The following ABCD3 variants were observed in gnomAD, a reference collection of about 807,000 sequenced individuals.
ABCD3 encodes ATP binding cassette subfamily D member 3, also known as ATP-binding cassette sub-family D member 3.
ABCD3 carries 41 observed loss-of-function variants against 105.5 expected under a neutral mutation model. The observed-to-expected ratio is 0.39, with a 90% CI of 0.30 to 0.50. The LOEUF (loss-of-function observed/expected upper bound fraction) is 0.50. ABCD3 is among the 20% of genes least tolerant of loss of function. ABCD3 has a pLI of 0.84. For synonymous variants in ABCD3, 258 were observed against 269.0 expected (o/e 0.96, Z 0.40); for missense variants, 622 against 806.3 (o/e 0.77, Z 2.77).
chr1:94,448,658 T>C (rs192066594), intron 1 of ABCD3, among the ~76,000 whole-genome samples: 1 of 152,366 alleles, frequency 6.6e-6, no homozygotes, highest in East Asian at 1.9e-4. Context: ...CAGTTATGTT[T>C]TCTTCTGCCT....
chr1:94,506,682 C>T (rs1221983230), intron 21 of ABCD3, 40 bp downstream of exon 21: 4 of 1,419,932 alleles, frequency 2.8e-6, no homozygotes, highest in Non-Finnish European at 4.0e-6. Flanking sequence ...CCATGGCCTC[C>T]TACCTAGTGT....
intron 3 of ABCD3, among the ~76,000 whole-genome samples, chr1:94,465,584 A>G (rs1242341497): frequency 2.0e-5 from 3 of 152,188 alleles, no homozygotes; most frequent in Non-Finnish European, 2.9e-5. Flanking sequence ...TAAACACTAG[A>G]TTAAATTTCA....
chr1:94,498,770 CTCTCTT>C lies in ABCD3; in HGVS notation c.1465-11_1465-6del. 1 of 1,613,728 alleles carries C rather than the reference CTCTCTT, an allele frequency of 6.2e-7. No homozygotes were observed. Among genetic ancestry groups the C allele is most frequent in the Non-Finnish European group, 8.5e-7 (1 of 1,179,784 alleles). ...TTTTACAATTGTTCTTCTCCCTTCTCTCTCTTTAATAGTTATGGCCTCTTTTTGGAG... is the reference window on the plus strand; with the variant it reads ...TTTTACAATTGTTCTTCTCCCTTCTCTAATAGTTATGGCCTCTTTTTGGAG... On this transcript the variant is annotated splice_polypyrimidine_tract_variant and splice_region_variant and intron_variant, in intron 17 of 22. Coordinates refer to ENST00000370214, the MANE Select transcript of ABCD3 (RefSeq NM_002858.4).
chr1:94,474,569 A>T (rs1472055530), intron 5 of ABCD3, among the ~76,000 whole-genome samples: 1 of 152,256 alleles, frequency 6.6e-6, no homozygotes, highest in East Asian at 1.9e-4. Flanking sequence ...TAGACTTTTT[A>T]AAATAAACAA....
intron 3 of ABCD3, among the ~76,000 whole-genome samples, chr1:94,465,685 A>AT (rs1274511383): frequency 6.6e-6 from 1 of 152,252 alleles, no homozygotes; most frequent in Non-Finnish European, 1.5e-5. Flanking sequence ...ATGCAAAATG[A>AT]TATCTGGATT....
intron 1 of ABCD3, among the ~76,000 whole-genome samples, chr1:94,422,196 G>A (rs1489421009): frequency 6.6e-6 from 1 of 152,144 alleles, no homozygotes; most frequent in Non-Finnish European, 1.5e-5. Flanking sequence ...CCCAACCCCC[G>A]GGCTGTGGAC....
rs1648607974 is a variant in ABCD3 at position 94,473,928 on chromosome 1, T to A, written c.405+93T>A. 14 of 948,406 alleles carry A rather than the reference T, an allele frequency of 1.5e-5. No homozygotes were observed. The South Asian group carries it at 1.9e-4, about 13-fold the overall frequency. 58.7% of individuals were successfully genotyped at this position (948,406 alleles called of 1,614,324 possible). A position where few individuals can be genotyped will look rare whatever the true frequency, so the allele number is the denominator to read the frequency against. Reference sequence around the variant, plus strand: ...TTTACTTATTAAATTCTTTAAAGACTTATGATACTAAGTTCCTATTTTCAG... The same window carrying A: ...TTTACTTATTAAATTCTTTAAAGACATATGATACTAAGTTCCTATTTTCAG... On this transcript the variant is annotated intron_variant, in intron 5 of 22. Coordinates refer to ENST00000370214, the MANE Select transcript of ABCD3 (RefSeq NM_002858.4).
the ABCD3 span, among the ~76,000 whole-genome samples, chr1:94,385,238 G>T: frequency 2.6e-5 from 4 of 152,298 alleles, no homozygotes; most frequent in Non-Finnish European, 4.4e-5. Context: ...CATCCCGAGA[G>T]GTGAGTGTTG....
intron 10 of ABCD3, among the ~76,000 whole-genome samples, chr1:94,486,835 G>A (rs1649299441): frequency 6.6e-6 from 1 of 152,178 alleles, no homozygotes; most frequent in African/African-American, 2.4e-5. Context: ...ACATGTTTGA[G>A]AAACCGTTAT....
intron 20 of ABCD3, among the ~76,000 whole-genome samples, chr1:94,505,552 G>GCA (rs1650312653): frequency 6.6e-6 from 1 of 151,912 alleles, no homozygotes; most frequent in Non-Finnish European, 1.5e-5. Flanking sequence ...AAGTATGAGT[G>GCA]AGAGATGCAT....
chr1:94,462,145 T>C (rs1385256203), intron 2 of ABCD3, among the ~76,000 whole-genome samples: 1 of 152,224 alleles, frequency 6.6e-6, no homozygotes, highest in African/African-American at 2.4e-5. Context: ...ATTTGTTTGC[T>C]TTTTCTATAA....
At chr1:94,494,467 A>C (rs1459013335) in intron 16 of ABCD3, among the ~76,000 whole-genome samples, 3 of 152,006 alleles carry the variant, frequency 2.0e-5, no homozygotes, top group Non-Finnish European at 2.9e-5. Flanking sequence ...ATGTCTTTTT[A>C]TTGTTTTTCT....
intron 1 of ABCD3, chr1:94,419,424 TAA>T (rs1219176791): frequency 2.2e-6 from 2 of 895,396 alleles, no homozygotes; most frequent in African/African-American, 3.6e-5. Context: ...TCAGAAAAAG[TAA>T]AAAAGAGAGA....
chr1:94,511,423 T>C (rs1391868206), intron 21 of ABCD3, among the ~76,000 whole-genome samples: 2 of 152,076 alleles, frequency 1.3e-5, no homozygotes, highest in East Asian at 1.9e-4. Flanking sequence ...CTGCCCTTAA[T>C]ATTTTTTCCT....
At chr1:94,432,839 C>T (rs1266705494) in intron 1 of ABCD3, among the ~76,000 whole-genome samples, 2 of 142,184 alleles carry the variant, frequency 1.4e-5, no homozygotes, top group African/African-American at 5.2e-5. Context: ...CTGAGAAATG[C>T]ACTGTTAGGC....
At chr1:94,461,759 A>T (rs940849083) in intron 2 of ABCD3, among the ~76,000 whole-genome samples, 1 of 152,154 alleles carries the variant, frequency 6.6e-6, no homozygotes, top group Non-Finnish European at 1.5e-5. Flanking sequence ...ATTATAAACG[A>T]GTACGATGTT....
At chr1:94,449,389 C>T (rs916677537) in intron 1 of ABCD3, among the ~76,000 whole-genome samples, 1 of 152,146 alleles carries the variant, frequency 6.6e-6, no homozygotes, top group Non-Finnish European at 1.5e-5. Context: ...TTGATGGTAC[C>T]TATGATAGCA....
intron 1 of ABCD3, among the ~76,000 whole-genome samples, chr1:94,456,237 G>A (rs1647553038): frequency 1.0e-5 from 1 of 98,774 alleles, no homozygotes; most frequent in Admixed American, 1.0e-4. Flanking sequence ...GTTCATCCAT[G>A]TTGTTGCAAA....
intron 7 of ABCD3, 53 bp from the exon 8 acceptor site, chr1:94,478,206 A>G (rs567380337): frequency 1.9e-5 from 20 of 1,079,370 alleles, no homozygotes; most frequent in African/African-American, 1.7e-4. Flanking sequence ...TGTATTAGCT[A>G]TCATTCTAGT....
Sources: allele counts gnomAD v4.1 joint callset (sites outside exome capture counted in the v4.1 genomes callset), GRCh38; gene constraint gnomAD v4.1.1; transcripts MANE v1.5; gene names NCBI Gene and HGNC (gene_info 2026-07-23, HGNC 2026-07-21).